POMT2: variants seen among roughly 807,000 people sequenced by gnomAD.
The protein encoded by POMT2 is protein O-mannosyltransferase 2.
In POMT2, 75 loss-of-function variants were observed where a neutral mutation model predicts 100.0. That is an observed-to-expected ratio of 0.75 (90% CI 0.62 to 0.91). POMT2 has a LOEUF of 0.91. POMT2 is among the 40% of genes least tolerant of loss of function. POMT2 has a pLI of 0.00. For missense variants in POMT2, 940 were observed against 955.1 expected, an observed-to-expected ratio of 0.98 and a Z score of 0.21; for synonymous variants, 378 against 374.1, an observed-to-expected ratio of 1.01 and a Z score of -0.12.
At chr14:77,287,014 A>G in intron 11 of POMT2, 192 bp from the exon 12 acceptor site, 2 of 1,156,966 alleles carry the variant, frequency 1.7e-6, no homozygotes, top group Non-Finnish European at 2.4e-6. Flanking sequence ...AGAAGAGATG[A>G]GCCCAAACCA....
intron 14 of POMT2, chr14:77,284,093 G>C (rs1176142726): frequency 1.7e-6 from 1 of 573,954 alleles, no homozygotes; most frequent in Non-Finnish European, 3.2e-6. Context: ...TAGACAACAA[G>C]GTTTCACCTG....
intron 1 of POMT2, 78 bp downstream of exon 1, chr14:77,320,356 C>A (rs891653482): frequency 1.3e-6 from 2 of 1,539,222 alleles, no homozygotes; most frequent in African/African-American, 2.7e-5. Flanking sequence ...CCCGCCCCCT[C>A]CGTACCCTCG....
chr14:77,285,541 C>A lies in POMT2; in HGVS notation c.1424G>T (p.Arg475Leu). ...ACAACCTGTGACCAAATGGATGAAGCGAATTCGACTTCTCAGCACTTTGAT... is the reference window on the plus strand; with the variant it reads ...ACAACCTGTGACCAAATGGATGAAGAGAATTCGACTTCTCAGCACTTTGAT... Reference protein sequence around the residue: ...NRIKVLRSRIRFIHLVTGCVL... With the variant: ...NRIKVLRSRILFIHLVTGCVL... The change falls in exon 13 of 21, where the codon CGC (arginine) becomes CTC (leucine). Residue 475 changes from arginine (R) to leucine (L), a missense_variant. Physicochemically the swap from Arg to Leu is moderately radical, Grantham distance 102 (BLOSUM62 -2). Coordinates refer to ENST00000261534, the MANE Select transcript of POMT2 (RefSeq NM_013382.7). 6.2e-7 allele frequency: 1 copy of A among 1,614,154 alleles called. No homozygotes were observed. Among genetic ancestry groups the A allele is most frequent in the Non-Finnish European group, 8.5e-7 (1 of 1,180,028 alleles).
At chr14:77,286,192 G>T (rs1890420853) in intron 12 of POMT2, among the ~76,000 whole-genome samples, 1 of 152,174 alleles carries the variant, frequency 6.6e-6, no homozygotes, top group Non-Finnish European at 1.5e-5. Context: ...TCCACCTGAA[G>T]GCCAGAATCT....
chr14:77,300,921 G>T, intron 6 of POMT2, 169 bp downstream of exon 6: 5 of 1,180,848 alleles, frequency 4.2e-6, no homozygotes, highest in Non-Finnish European at 4.9e-6. Context: ...CCTCAGCCGG[G>T]CCCACTCCCT....
chr14:77,316,524 C>G (rs1295510039), intron 1 of POMT2, among the ~76,000 whole-genome samples: 3 of 146,730 alleles, frequency 2.0e-5, no homozygotes, highest in African/African-American at 7.6e-5. Flanking sequence ...TATGATTGTA[C>G]CACTCCACTC....
rs777265202 is a variant in POMT2 at position 77,283,890 on chromosome 14, C to T, written c.1577-17G>A. 3 of 1,588,490 alleles carry T rather than the reference C, an allele frequency of 1.9e-6. No homozygotes were observed. The highest frequency in any genetic ancestry group is 2.6e-6 in the Non-Finnish European group (3 of 1,156,698). On this transcript the variant is annotated splice_polypyrimidine_tract_variant and intron_variant, in intron 14 of 20. Coordinates refer to ENST00000261534, the MANE Select transcript of POMT2 (RefSeq NM_013382.7). ...TGTTTGGCACTAGGGGAAAAAAATG[C>T]AGGAGAAAAGCCTTTGTCATACATT... is the stretch of plus-strand genomic sequence containing the variant.
intron 5 of POMT2, 58 bp downstream of exon 5, chr14:77,302,777 G>A: frequency 6.8e-7 from 1 of 1,462,722 alleles, no homozygotes; most frequent in Non-Finnish European, 9.5e-7. Context: ...GGCCATTACA[G>A]AAATTTTGGA....
chr14:77,294,189 C>G (rs1890740664), intron 9 of POMT2, among the ~76,000 whole-genome samples: 1 of 152,208 alleles, frequency 6.6e-6, no homozygotes, highest in African/African-American at 2.4e-5. Context: ...ATCCAATACC[C>G]TGTAATATGG....
Position 77,278,375 on chromosome 14 carries a change from G to A in POMT2, c.2147+19C>T. ...CTGAGCCCACACTGGGAGGGCATGT[G>A]AGGTGCAGAGATGCTCACCTGTAGG... On this transcript the variant is annotated intron_variant, in intron 20 of 20. Transcript: ENST00000261534. 1 of 1,451,018 alleles carries A rather than the reference G, an allele frequency of 6.9e-7. No individual in the cohort carries two copies. Among genetic ancestry groups the A allele is most frequent in the Non-Finnish European group, 9.5e-7 (1 of 1,056,690 alleles). 89.9% of individuals were successfully genotyped at this position (1,451,018 alleles called of 1,614,324 possible). A position where few individuals can be genotyped will look rare whatever the true frequency, so the allele number is the denominator to read the frequency against.
intron 6 of POMT2, chr14:77,300,574 C>T (rs999711264): frequency 5.8e-6 from 1 of 171,260 alleles, no homozygotes; most frequent in African/African-American, 2.4e-5. Context: ...AATCCCCGCA[C>T]TTTGGGAGGC....
chr14:77,320,597 C>T lies in POMT2; in HGVS notation c.85G>A (p.Ala29Thr). The change falls in exon 1 of 21, where the codon GCA becomes ACA. Residue 29 changes from alanine (A) to threonine (T), a missense_variant. By Grantham distance (58) the Ala-to-Thr change is moderately conservative. Transcript: ENST00000261534. Reference sequence around the variant, plus strand: ...GCCTCAGCGGCCACGTCCCGGCCTGCGGCCCTAGCAGCCTGGGGGCCACAG... The same window carrying T: ...GCCTCAGCGGCCACGTCCCGGCCTGTGGCCCTAGCAGCCTGGGGGCCACAG... Reference protein sequence around the residue: ...GRCGPQAARAAGRDVAAEAVA... With the variant: ...GRCGPQAARATGRDVAAEAVA... 6.3e-7 allele frequency: 1 copy of T among 1,583,490 alleles called. No individual in the cohort carries two copies. The highest frequency in any genetic ancestry group is 1.7e-5 in the Admixed American group (1 of 58,218).
chr14:77,298,829 C>A, intron 7 of POMT2, 58 bp from the exon 8 acceptor site: 2 of 1,495,934 alleles, frequency 1.3e-6, no homozygotes, highest in East Asian at 2.4e-5. Context: ...GTGTGATTTC[C>A]CAGGAGCGCT....
intron 1 of POMT2, among the ~76,000 whole-genome samples, chr14:77,314,514 G>A (rs1891558064): frequency 6.6e-6 from 1 of 152,214 alleles, no homozygotes; most frequent in African/African-American, 2.4e-5. Context: ...TGACAGTGTG[G>A]AGACAAGCAT....
At chr14:77,304,606 G>A (rs1209173681) in intron 4 of POMT2, 86 bp downstream of exon 4, 1 of 1,536,308 alleles carries the variant, frequency 6.5e-7, no homozygotes, top group East Asian at 2.5e-5. Context: ...CCCACATATA[G>A]GGCCCTTGAA....
intron 10 of POMT2, among the ~76,000 whole-genome samples, chr14:77,290,257 G>C (rs1485024260): frequency 6.6e-6 from 1 of 152,216 alleles, no homozygotes; most frequent in African/African-American, 2.4e-5. Flanking sequence ...CATGACGGAA[G>C]TAAAACTGGT....
intron 11 of POMT2, chr14:77,287,510 CTGTCTCTG>C (rs1198696309): frequency 1.9e-5 from 2 of 104,672 alleles, no homozygotes; most frequent in African/African-American, 8.7e-5. Context: ...GCTTCTCTCT[CTGTCTCTG>C]TCTCTCTCTC....
At chr14:77,285,200 T>C in intron 13 of POMT2, 159 bp from the exon 14 acceptor site, 1 of 746,356 alleles carries the variant, frequency 1.3e-6, no homozygotes, top group South Asian at 1.7e-5. Flanking sequence ...TAGGATAGTC[T>C]AGCATACAGT....
Position 77,279,809 on chromosome 14 carries a change from C to T in POMT2, c.1891+14G>A, listed in dbSNP as rs764700561. 7 of 1,610,422 alleles carry T rather than the reference C, an allele frequency of 4.3e-6. No individual in the cohort carries two copies. The highest frequency in any genetic ancestry group is 5.9e-6 in the Non-Finnish European group (7 of 1,178,892). ...GCCGCCAGGTCAGGGGAGGGAGAGCCCAGAGGACCTGACCTGCAACCTCCG... is the reference window on the plus strand; with the variant it reads ...GCCGCCAGGTCAGGGGAGGGAGAGCTCAGAGGACCTGACCTGCAACCTCCG... On this transcript the variant is annotated intron_variant, in intron 18 of 20. Transcript: ENST00000261534.
Sources: gnomAD v4.1 joint callset for allele counts (sites outside exome capture counted in the v4.1 genomes callset) on GRCh38, gnomAD v4.1.1 for gene constraint, MANE v1.5 for transcripts, NCBI Gene and HGNC (gene_info 2026-07-23, HGNC 2026-07-21) for gene names.